DACH1: variants seen among roughly 807,000 people sequenced by gnomAD.
The protein encoded by DACH1 is dachshund family transcription factor 1, also known as dachshund homolog 1.
DACH1 carries 12 observed loss-of-function variants against 54.2 expected under a neutral mutation model. The observed-to-expected ratio is 0.22, with a 90% CI of 0.14 to 0.36. The LOEUF is 0.36. Ranked by LOEUF, DACH1 falls within the 10% of genes least tolerant of loss-of-function variation. The probability of loss-of-function intolerance (pLI) is 1.00; values close to 1 mark genes in which losing one functional copy is unlikely to be tolerated. For missense variants in DACH1, 805 were observed against 929.8 expected (o/e 0.87, Z 1.75); for synonymous variants, 386 against 366.2 (o/e 1.05, Z -0.62).
intron 2 of DACH1, among the ~76,000 whole-genome samples, chr13:71,664,686 G>T (rs2138661215): frequency 6.6e-6 from 1 of 152,044 alleles, no homozygotes; most frequent in Non-Finnish European, 1.5e-5. Flanking sequence ...ATAGATTTTT[G>T]AGCAAGAACT....
Position 71,585,312 on chromosome 13 carries a change from G to GA in DACH1, c.1127-12301dup, listed in dbSNP as rs560757949. On this transcript the variant is annotated intron_variant, in intron 3 of 10. Coordinates refer to ENST00000613252, the MANE Select transcript of DACH1 (RefSeq NM_080759.6). ...TGAGCACATGTAAGCATGTGTGTTGGAAAAAAAATATATTTCAAAATGATG... is the reference window on the plus strand; with the variant it reads ...TGAGCACATGTAAGCATGTGTGTTGGAAAAAAAAATATATTTCAAAATGATG... 2.0e-4 allele frequency among the ~76,000 whole-genome samples: 31 copies of GA among 151,784 alleles called. 1 individual carries two copies. Among genetic ancestry groups the GA allele is most frequent in the Non-Finnish European group, 3.1e-4 (21 of 67,970 alleles).
intron 10 of DACH1, 93 bp from the exon 11 acceptor site, chr13:71,440,785 G>T: frequency 2.0e-6 from 2 of 980,694 alleles, no homozygotes; most frequent in Non-Finnish European, 3.1e-6. Flanking sequence ...AAAATTTGTA[G>T]TTTTTATTAG....
In DACH1 at chr13:71,486,836, C is replaced by T. The variant is rs1360042367; in HGVS notation, c.1722+2161G>A. 4.4e-3 allele frequency among the ~76,000 whole-genome samples: 659 copies of T among 150,958 alleles called. 3 individuals are homozygous for T. The highest frequency in any genetic ancestry group is 7.4e-3 in the Non-Finnish European group (500 of 67,824). On this transcript the variant is annotated intron_variant, in intron 7 of 10. Coordinates refer to ENST00000613252, the MANE Select transcript of DACH1 (RefSeq NM_080759.6). ...TTTATCTATCTATCTATCTATCTAT[C>T]TATCTATCTATCTATCTATCTATCT...
At chr13:71,495,637 A>C (rs998382960) in intron 6 of DACH1, among the ~76,000 whole-genome samples, 6 of 152,136 alleles carry the variant, frequency 3.9e-5, no homozygotes, top group African/African-American at 1.4e-4. Flanking sequence ...ACTAATAATA[A>C]ATTTTACAGA....
chr13:71,580,086 T>C (rs1342435725), intron 3 of DACH1, among the ~76,000 whole-genome samples: 8 of 152,184 alleles, frequency 5.3e-5, no homozygotes, highest in Non-Finnish European at 1.2e-4. Flanking sequence ...TGAAAAAAGC[T>C]GGTTAATTTC....
intron 1 of DACH1, among the ~76,000 whole-genome samples, chr13:71,784,877 T>C (rs925009722): frequency 1.3e-5 from 2 of 152,194 alleles, no homozygotes; most frequent in Non-Finnish European, 2.9e-5. Context: ...ATTATCTAGA[T>C]CTGTTCTAAG....
intron 3 of DACH1, among the ~76,000 whole-genome samples, chr13:71,624,823 T>A (rs1876524786): frequency 6.6e-6 from 1 of 151,836 alleles, no homozygotes; most frequent in African/African-American, 2.4e-5. Context: ...TAATTCTCAG[T>A]AATTGGTAAA....
chr13:71,562,592 A>G (rs1884659141), intron 4 of DACH1, among the ~76,000 whole-genome samples: 1 of 152,168 alleles, frequency 6.6e-6, no homozygotes, highest in Non-Finnish European at 1.5e-5. Context: ...CACAGGTAAC[A>G]TGGAAAACGA....
intron 1 of DACH1, among the ~76,000 whole-genome samples, chr13:71,772,458 G>A (rs1885896651): frequency 6.6e-6 from 1 of 151,566 alleles, no homozygotes; most frequent in Admixed American, 6.6e-5. Flanking sequence ...TTAATCTCAG[G>A]CAATAGAAGT....
intron 7 of DACH1, among the ~76,000 whole-genome samples, chr13:71,485,601 A>AATGATACG (rs1878433373): frequency 4.7e-5 from 1 of 21,468 alleles, no homozygotes. Flanking sequence ...TTTTTTTTTT[A>AATGATACG]GCTGGAGGGA....
At chr13:71,688,565 T>G (rs1881305983) in intron 1 of DACH1, among the ~76,000 whole-genome samples, 1 of 152,232 alleles carries the variant, frequency 6.6e-6, no homozygotes, top group South Asian at 2.1e-4. Flanking sequence ...TGTAGTTGTG[T>G]GTCCCAGTCA....
At position 71,516,204 on chromosome 13, in the gene DACH1, C is replaced by A. The variant is rs544307049; in HGVS notation, c.1571-27056G>T. Among the ~76,000 whole-genome samples, 7 of 151,978 alleles carry A rather than the reference C, an allele frequency of 4.6e-5. No homozygotes were observed. In the South Asian group the frequency reaches 8.3e-4, roughly 18 times the overall value. On this transcript the variant is annotated intron_variant, in intron 6 of 10. Coordinates refer to ENST00000613252, the MANE Select transcript of DACH1 (RefSeq NM_080759.6). ...AGATGTACAGAAGTAGATGCAAATA[C>A]CTTGTAGAAACTTAAAAATAATAAT... is the stretch of plus-strand genomic sequence containing the variant.
intron 3 of DACH1, among the ~76,000 whole-genome samples, chr13:71,602,467 C>A (rs1027056888): frequency 2.0e-5 from 3 of 151,910 alleles, no homozygotes; most frequent in African/African-American, 7.2e-5. Flanking sequence ...CCCACTTTGC[C>A]TTCTGTTTCT....
chr13:71,562,906 G>C (rs982165188), intron 4 of DACH1, among the ~76,000 whole-genome samples: 6 of 152,048 alleles, frequency 3.9e-5, no homozygotes, highest in Admixed American at 3.3e-4. Context: ...TGGTTTTGGA[G>C]TATTTGCGCA....
intron 3 of DACH1, among the ~76,000 whole-genome samples, chr13:71,609,716 G>A (rs1169878070): frequency 6.6e-6 from 1 of 151,960 alleles, no homozygotes; most frequent in African/African-American, 2.4e-5. Context: ...TAGTAGAGAT[G>A]AGATTTCACC....
Position 71,849,031 on chromosome 13 carries a change from C to T in DACH1, c.848+16891G>A, listed in dbSNP as rs1008198270. Among the ~76,000 whole-genome samples, 28 of 152,164 alleles carry T rather than the reference C, an allele frequency of 1.8e-4. 1 individual carries two copies. Among genetic ancestry groups the T allele is most frequent in the Non-Finnish European group, 1.0e-4 (7 of 68,028 alleles). On this transcript the variant is annotated intron_variant, in intron 1 of 10. Coordinates refer to ENST00000613252, the MANE Select transcript of DACH1 (RefSeq NM_080759.6). ...TTCTTATGACCCTACGGTGTCTATACATTAGTTAATCTAAAATCTAGAGAT... is the reference window on the plus strand; with the variant it reads ...TTCTTATGACCCTACGGTGTCTATATATTAGTTAATCTAAAATCTAGAGAT...
At chr13:71,710,037 T>C (rs1471983994) in intron 1 of DACH1, among the ~76,000 whole-genome samples, 1 of 152,100 alleles carries the variant, frequency 6.6e-6, no homozygotes, top group Non-Finnish European at 1.5e-5. Context: ...TTTGTAAAGA[T>C]GGGGTTTCAC....
At chr13:71,715,334 G>T (rs187071178) in intron 1 of DACH1, among the ~76,000 whole-genome samples, 1 of 152,118 alleles carries the variant, frequency 6.6e-6, no homozygotes. Context: ...AAGTGCTATA[G>T]CCAATAAAAC....
chr13:71,503,262 C>T (rs1464781227), intron 6 of DACH1, among the ~76,000 whole-genome samples: 3 of 152,156 alleles, frequency 2.0e-5, no homozygotes. Flanking sequence ...ACATGAAAAA[C>T]TGTGAGGGAA....
Sources: allele counts gnomAD v4.1 joint callset (sites outside exome capture counted in the v4.1 genomes callset), GRCh38; gene constraint gnomAD v4.1.1; transcripts MANE v1.5; gene names NCBI Gene and HGNC (gene_info 2026-07-23, HGNC 2026-07-21).